The following RASAL2 variants were observed in gnomAD, a reference collection of about 807,000 sequenced individuals.
RASAL2 encodes the protein ras GTPase-activating protein nGAP.
A neutral mutation model predicts 128.9 loss-of-function variants in RASAL2; 58 were observed. The ratio of observed to expected loss-of-function variants is 0.45; its 90% CI spans 0.36 to 0.56. The LOEUF (loss-of-function observed/expected upper bound fraction) is 0.56. RASAL2 is among the 20% of genes least tolerant of loss of function. The pLI, the probability that RASAL2 is intolerant of heterozygous loss-of-function variation, is 0.00. For missense variants in RASAL2, 1,360 were observed against 1,601.6 expected (o/e 0.85, Z 2.57); for synonymous variants, 561 against 580.8 (o/e 0.97, Z 0.49).
chr1:178,415,785 T>C (rs572577228), intron 4 of RASAL2, among the ~76,000 whole-genome samples: 3 of 152,256 alleles, frequency 2.0e-5, no homozygotes, highest in Admixed American at 6.5e-5. Context: ...TCTTGGAAAA[T>C]TGACCCATTT....
chr1:178,296,083 ATG>A (rs763351307), intron 2 of RASAL2, among the ~76,000 whole-genome samples: 8 of 151,458 alleles, frequency 5.3e-5, no homozygotes, highest in Admixed American at 1.3e-4. Context: ...ATGTGTATAT[ATG>A]TGTGTGTATA....
At chr1:178,381,027 A>T (rs1189135710) in intron 3 of RASAL2, among the ~76,000 whole-genome samples, 1 of 152,238 alleles carries the variant, frequency 6.6e-6, no homozygotes, top group African/African-American at 2.4e-5. Context: ...GAGTTGGCAG[A>T]TATGTAGGTG....
intron 1 of RASAL2, among the ~76,000 whole-genome samples, chr1:178,220,038 C>A (rs947219291): frequency 1.6e-4 from 24 of 152,012 alleles, no homozygotes; most frequent in Non-Finnish European, 3.1e-4. Context: ...TATGTCCTCT[C>A]CTCTCTTTAA....
At chr1:178,311,797 TGAAA>T (rs781350740) in intron 3 of RASAL2, among the ~76,000 whole-genome samples, 29 of 149,204 alleles carry the variant, frequency 1.9e-4, no homozygotes, top group Admixed American at 8.0e-4. Flanking sequence ...AAGAAAAGCC[TGAAA>T]GAGAGAGACT....
At chr1:178,163,968 C>G (rs1034493992) in intron 1 of RASAL2, among the ~76,000 whole-genome samples, 1 of 152,028 alleles carries the variant, frequency 6.6e-6, no homozygotes, top group Non-Finnish European at 1.5e-5. Context: ...GGATACAAGT[C>G]TTTCACTTAT....
chr1:178,366,550 G>A lies in RASAL2; in HGVS notation c.458-23550G>A, dbSNP rs186589928. Among the ~76,000 whole-genome samples, 301 of 148,302 alleles carry A rather than the reference G, an allele frequency of 2.0e-3. 2 individuals are homozygous for A. The highest frequency in any genetic ancestry group is 6.9e-3 in the African/African-American group (280 of 40,420). On this transcript the variant is annotated intron_variant, in intron 3 of 17. Transcript: ENST00000367649. The stretch of plus-strand genomic sequence containing the variant: ...TAAAATTAGAAGATAACGCTCATCC[G>A]CTGTCACATTTTAAAATTACTTGGT...
intron 1 of RASAL2, among the ~76,000 whole-genome samples, chr1:178,111,854 C>G (rs955030868): frequency 6.6e-6 from 1 of 152,188 alleles, no homozygotes; most frequent in Middle Eastern, 3.4e-3. Flanking sequence ...CTCAGCCTCC[C>G]GAGTAGCTGG....
intron 1 of RASAL2, among the ~76,000 whole-genome samples, chr1:178,247,886 A>C (rs1664848270): frequency 6.6e-6 from 1 of 152,110 alleles, no homozygotes; most frequent in Non-Finnish European, 1.5e-5. Context: ...GTTTTGAGTG[A>C]GTTTCTTAAT....
intron 1 of RASAL2, among the ~76,000 whole-genome samples, chr1:178,214,604 G>A (rs552598721): frequency 2.2e-4 from 33 of 151,254 alleles, no homozygotes; most frequent in African/African-American, 7.5e-4. Flanking sequence ...TGTCGCCCAG[G>A]CTGGAGTGCA....
Position 178,475,815 on chromosome 1 carries a change from T to TA in RASAL2, c.*2582dup, listed in dbSNP as rs1336735852. 6.6e-6 allele frequency: 1 copy of TA among 152,164 alleles called. No homozygotes were observed. The allele number at this position is 152,164 out of a possible 1,614,324, so 9.4% of individuals were successfully genotyped here. On this transcript the variant is annotated 3_prime_UTR_variant, in exon 18 of 18. Transcript: ENST00000367649. ...GTTATCTTGAATGAAGAAGAAATAG[T>TA]AAAAAATAATAATAATAGAGCATTA...
At chr1:178,423,220 T>A (rs927412673) in intron 5 of RASAL2, among the ~76,000 whole-genome samples, 1 of 152,158 alleles carries the variant, frequency 6.6e-6, no homozygotes, top group Non-Finnish European at 1.5e-5. Flanking sequence ...GATATTTACA[T>A]TGTTTCCCTT....
chr1:178,311,541 A>G (rs1157915613), intron 3 of RASAL2, among the ~76,000 whole-genome samples: 2 of 151,700 alleles, frequency 1.3e-5, no homozygotes, highest in African/African-American at 2.4e-5. Flanking sequence ...TACTCTTTGG[A>G]GGGAAAAAAA....
At chr1:178,198,509 G>C (rs1662752263) in intron 1 of RASAL2, among the ~76,000 whole-genome samples, 2 of 152,170 alleles carry the variant, frequency 1.3e-5, no homozygotes, top group Admixed American at 6.5e-5. Context: ...TGATGTTGAT[G>C]CTATTCCTTT....
At position 178,127,100 on chromosome 1, in the gene RASAL2, A is replaced by ACT. The variant is rs1659929363; in HGVS notation, c.202+32408_202+32409dup. Among the ~76,000 whole-genome samples, 3 of 152,284 alleles carry ACT rather than the reference A, an allele frequency of 2.0e-5. No homozygotes were observed. The South Asian group carries it at 6.2e-4, about 32-fold the overall frequency. ...GACCCACAAACTGTAGGTTGAGTTG[A>ACT]CTCAACCTGTAATGATTAATATTTC... is the stretch of plus-strand genomic sequence containing the variant. On this transcript the variant is annotated intron_variant, in intron 1 of 17. Transcript: ENST00000367649.
intron 3 of RASAL2, among the ~76,000 whole-genome samples, chr1:178,311,163 C>T (rs191854547): frequency 6.6e-6 from 1 of 151,842 alleles, no homozygotes; most frequent in East Asian, 1.9e-4. Flanking sequence ...AGAAACTCCA[C>T]CAAACCTACT....
chr1:178,398,365 A>AT (rs1313806613), intron 4 of RASAL2, among the ~76,000 whole-genome samples: 1 of 152,224 alleles, frequency 6.6e-6, no homozygotes, highest in African/African-American at 2.4e-5. Context: ...TGCATAGCAT[A>AT]TGTTATAGTT....
At chr1:178,293,158 ATCT>A (rs371195912) in intron 2 of RASAL2, among the ~76,000 whole-genome samples, 5 of 152,230 alleles carry the variant, frequency 3.3e-5, no homozygotes, top group Non-Finnish European at 4.4e-5. Flanking sequence ...CACAAGACAG[ATCT>A]TCTTTCCTCT....
chr1:178,205,578 A>T (rs568348405), intron 1 of RASAL2, among the ~76,000 whole-genome samples: 6 of 151,842 alleles, frequency 4.0e-5, no homozygotes, highest in Admixed American at 6.6e-5. Flanking sequence ...AACATGGTGA[A>T]ACCCTGTCTC....
intron 3 of RASAL2, among the ~76,000 whole-genome samples, chr1:178,320,214 AT>A (rs1412233939): frequency 6.6e-6 from 1 of 151,874 alleles, no homozygotes; most frequent in Non-Finnish European, 1.5e-5. Flanking sequence ...AGACAGGGAC[AT>A]TTAAGTCTGC....
Sources: gnomAD v4.1 joint callset for allele counts (sites outside exome capture counted in the v4.1 genomes callset) on GRCh38, gnomAD v4.1.1 for gene constraint, MANE v1.5 for transcripts, NCBI Gene and HGNC (gene_info 2026-07-23, HGNC 2026-07-21) for gene names.